FAM8A1: variants seen among roughly 807,000 people sequenced by gnomAD.
FAM8A1 encodes family with sequence similarity 8 member A1, also known as protein FAM8A1.
FAM8A1 carries 18 observed loss-of-function variants against 38.3 expected under a neutral mutation model. That is an observed-to-expected ratio of 0.47 (90% CI 0.33 to 0.70). The LOEUF is 0.70. Among genes scored for constraint, FAM8A1 ranks in the 30% least tolerant of loss-of-function variants. The pLI, the probability that FAM8A1 is intolerant of heterozygous loss-of-function variation, is 0.03. For synonymous variants in FAM8A1, 246 were observed against 234.4 expected (o/e 1.05, Z -0.45); for missense variants, 559 against 559.6 (o/e 1.00, Z 0.01).
chr6:17,601,017 G>A lies in FAM8A1; in HGVS notation c.608G>A (p.Gly203Glu), dbSNP rs758128805. The A allele has an allele frequency of 5.7e-6, 9 of 1,587,824 alleles. No homozygotes were observed. The South Asian group carries it at 1.0e-4, about 18-fold the overall frequency. ...ISTPAPVAGL[G>E]PRAPHVQASV... is the part of the protein sequence containing the mutation. The stretch of plus-strand genomic sequence containing the variant: ...ACCCCTGCTCCAGTCGCGGGCCTGG[G>A]ACCCCGGGCTCCTCACGTGCAGGCG... The change falls in exon 1 of 5, where the codon GGA becomes GAA. Residue 203 changes from glycine (G) to glutamate (E), a missense_variant. This residue lies in a region of FAM8A1 where 393 missense variants were observed against 338.9 expected (regional missense o/e 1.16). Coordinates refer to ENST00000259963, the MANE Select transcript of FAM8A1 (RefSeq NM_016255.3).
At chr6:17,606,120 TAAAAC>T in intron 4 of FAM8A1, 107 bp downstream of exon 4, 3 of 744,864 alleles carry the variant, frequency 4.0e-6, no homozygotes, top group Non-Finnish European at 5.7e-6. Context: ...TTTATTAAGT[TAAAAC>T]AAAGTTTGAA....
intron 3 of FAM8A1, 22 bp from the exon 4 acceptor site, chr6:17,605,852 T>A (rs1435522477): frequency 2.0e-6 from 3 of 1,480,460 alleles, no homozygotes; most frequent in African/African-American, 2.8e-5. Flanking sequence ...CAGTAATTTT[T>A]AAATCATCCT....
At chr6:17,603,515 A>G (rs777384002) in intron 2 of FAM8A1, among the ~76,000 whole-genome samples, 1 of 152,152 alleles carries the variant, frequency 6.6e-6, no homozygotes, top group Non-Finnish European at 1.5e-5. Context: ...CATCCAGTGA[A>G]ATACCAACTC....
chr6:17,603,606 C>G (rs1157043202), intron 2 of FAM8A1, among the ~76,000 whole-genome samples: 1 of 152,160 alleles, frequency 6.6e-6, no homozygotes, highest in Non-Finnish European at 1.5e-5. Context: ...GAGACAGAGT[C>G]TTGCTCTGTC....
Position 17,608,374 on chromosome 6 carries a change from C to T in FAM8A1, c.*35C>T. ...AAACCCTGATTTCCACACACTAAGA[C>T]TAAATTATGTATCAAGGCCATCAGT... On this transcript the variant is annotated 3_prime_UTR_variant, in exon 5 of 5. Transcript: ENST00000259963. 6.3e-7 allele frequency: 1 copy of T among 1,578,598 alleles called. No homozygotes were observed. The highest frequency in any genetic ancestry group is 8.6e-7 in the Non-Finnish European group (1 of 1,159,976).
chr6:17,602,810 G>A, intron 2 of FAM8A1, 100 bp downstream of exon 2: 1 of 1,087,724 alleles, frequency 9.2e-7, no homozygotes, highest in East Asian at 2.7e-5. Flanking sequence ...TGGATAATGG[G>A]CTTGTCAGTG....
intron 2 of FAM8A1, 143 bp from the exon 3 acceptor site, chr6:17,604,763 G>T (rs184349796): frequency 1.7e-6 from 1 of 604,504 alleles, no homozygotes; most frequent in Non-Finnish European, 2.8e-6. Flanking sequence ...ACTAATGAAT[G>T]CTTTATGATA....
At chr6:17,601,852 G>A (rs1333988926) in intron 1 of FAM8A1, among the ~76,000 whole-genome samples, 1 of 140,490 alleles carries the variant, frequency 7.1e-6, no homozygotes, top group Admixed American at 6.9e-5. Context: ...AAAAACGGGT[G>A]GGGGGGGATT....
At chr6:17,607,273 A>C (rs28735113) in intron 4 of FAM8A1, among the ~76,000 whole-genome samples, 8 of 124,102 alleles carry the variant, frequency 6.4e-5, no homozygotes, top group Non-Finnish European at 1.2e-4. Context: ...AAAAAAAAAA[A>C]CAAAACAAAA....
In FAM8A1 at chr6:17,610,115, G is replaced by T. The variant is rs1764118487; in HGVS notation, c.*1776G>T. Reference sequence around the variant, plus strand: ...TCTTTCATTTTTAAAATTAGGAGATGTTACGTAACTTGGCACTTTAGTAGT... The same window carrying T: ...TCTTTCATTTTTAAAATTAGGAGATTTTACGTAACTTGGCACTTTAGTAGT... On this transcript the variant is annotated 3_prime_UTR_variant, in exon 5 of 5. Coordinates refer to ENST00000259963, the MANE Select transcript of FAM8A1 (RefSeq NM_016255.3). 6.6e-6 allele frequency: 1 copy of T among 152,064 alleles called. No individual in the cohort carries two copies. Among genetic ancestry groups the T allele is most frequent in the Admixed American group, 6.6e-5 (1 of 15,262 alleles). The allele number at this position is 152,064 out of a possible 1,614,324, so 9.4% of individuals were successfully genotyped here.
At position 17,609,833 on chromosome 6, in the gene FAM8A1, CTA is replaced by C. The variant is rs1391210744; in HGVS notation, c.*1498_*1499del. ...CAAACACAGCACATATCTATTATCA[CTA>C]TATTAATTTTCAAAGGTTTTTCTTT... On this transcript the variant is annotated 3_prime_UTR_variant, in exon 5 of 5. Coordinates refer to ENST00000259963, the MANE Select transcript of FAM8A1 (RefSeq NM_016255.3). 1 of 152,108 alleles carries C rather than the reference CTA, an allele frequency of 6.6e-6. No individual in the cohort carries two copies. The highest frequency in any genetic ancestry group is 1.5e-5 in the Non-Finnish European group (1 of 68,002). The allele number at this position is 152,108 out of a possible 1,614,324, so 9.4% of individuals were successfully genotyped here.
rs1764088003 is a variant in FAM8A1, at chr6:17,608,385, A to G, written c.*46A>G. On this transcript the variant is annotated 3_prime_UTR_variant, in exon 5 of 5. Transcript: ENST00000259963. ...TCCACACACTAAGACTAAATTATGT[A>G]TCAAGGCCATCAGTATCCCTGGGTT... The G allele has an allele frequency of 6.3e-7, 1 of 1,578,590 alleles. No individual in the cohort carries two copies. The highest frequency in any genetic ancestry group is 8.6e-7 in the Non-Finnish European group (1 of 1,162,014).
At chr6:17,608,073 G>T in intron 4 of FAM8A1, 122 bp from the exon 5 acceptor site, 1 of 1,053,418 alleles carries the variant, frequency 9.5e-7, no homozygotes. Context: ...CTTTTTCCCT[G>T]TAGACTTCTG....
intron 1 of FAM8A1, among the ~76,000 whole-genome samples, chr6:17,601,663 G>C (rs1763987566): frequency 6.6e-6 from 1 of 152,174 alleles, no homozygotes; most frequent in Non-Finnish European, 1.5e-5. Context: ...GTGTGAACTA[G>C]AATATTTTGA....
rs1374032257 is a variant in FAM8A1, at chr6:17,610,621, CT to C, written c.*2283del. On this transcript the variant is annotated 3_prime_UTR_variant, in exon 5 of 5. Coordinates refer to ENST00000259963, the MANE Select transcript of FAM8A1 (RefSeq NM_016255.3). ...TTTTCTCTTGGGGTTGTAAGGTAGT[CT>C]CCTGCTTTCCAGAACACTTTATTAT... The C allele has an allele frequency of 6.6e-6, 1 of 152,024 alleles. No individual in the cohort carries two copies. The highest frequency in any genetic ancestry group is 2.4e-5 in the African/African-American group (1 of 41,410). 9.4% of individuals were successfully genotyped at this position (152,024 alleles called of 1,614,324 possible).
chr6:17,606,630 G>A (rs145594135), intron 4 of FAM8A1, among the ~76,000 whole-genome samples: 66 of 152,266 alleles, frequency 4.3e-4, no homozygotes, highest in African/African-American at 1.5e-3. Flanking sequence ...GTACTAGTCT[G>A]CCTTGAGTCT....
chr6:17,607,709 C>T (rs1468808401), intron 4 of FAM8A1, among the ~76,000 whole-genome samples: 1 of 152,152 alleles, frequency 6.6e-6, no homozygotes, highest in East Asian at 1.9e-4. Context: ...GGATAATTCT[C>T]CATCCTGAGT....
rs372628851 is a variant in FAM8A1 at position 17,610,725 on chromosome 6, A to AT, written c.*2386_*2387insT. 1.6e-4 allele frequency: 25 copies of AT among 152,298 alleles called. No individual in the cohort carries two copies. Among genetic ancestry groups the AT allele is most frequent in the African/African-American group, 5.8e-4 (24 of 41,568 alleles). 9.4% of individuals were successfully genotyped at this position (152,298 alleles called of 1,614,324 possible). A position where few individuals can be genotyped will look rare whatever the true frequency, so the allele number is the denominator to read the frequency against. The stretch of plus-strand genomic sequence containing the variant: ...GCTGTAGCCTAAAAAGCCAAAAGAA[A>AT]GTTGTCTTCATTGTACAAACATATT... On this transcript the variant is annotated 3_prime_UTR_variant, in exon 5 of 5. Coordinates refer to ENST00000259963, the MANE Select transcript of FAM8A1 (RefSeq NM_016255.3).
intron 4 of FAM8A1, among the ~76,000 whole-genome samples, chr6:17,607,490 A>ATCTATATACTATAGGTAGTG (rs1296635314): frequency 0.011 from 1,746 of 152,072 alleles, 38 homozygotes; most frequent in African/African-American, 0.039. Flanking sequence ...TATAGGTAGT[A>ATCTATATACTATAGGTAGTG]TCTATATACT....
Sources: allele counts gnomAD v4.1 joint callset (sites outside exome capture counted in the v4.1 genomes callset), GRCh38; gene constraint gnomAD v4.1.1; regional missense constraint gnomAD v4.1.1; transcripts MANE v1.5; gene names NCBI Gene and HGNC (gene_info 2026-07-23, HGNC 2026-07-21).